The following PLXNB3 variants were observed in gnomAD, a reference collection of about 807,000 sequenced individuals.
PLXNB3 encodes plexin-B3.
Under a neutral mutation model 125.7 loss-of-function variants are expected in PLXNB3, and 80 were observed. The observed-to-expected ratio is 0.64, with a 90% CI of 0.53 to 0.77. The LOEUF (loss-of-function observed/expected upper bound fraction) is 0.77, where lower values mean the gene tolerates loss of function less well. Ranked by LOEUF, PLXNB3 falls within the 30% of genes least tolerant of loss-of-function variation. The probability of loss-of-function intolerance (pLI) is 0.00; values close to 1 mark genes in which losing one functional copy is unlikely to be tolerated. For missense variants in PLXNB3, 1,836 were observed against 1,729.3 expected, an observed-to-expected ratio of 1.06 and a Z score of -1.09; for synonymous variants, 954 against 783.3, an observed-to-expected ratio of 1.22 and a Z score of -3.64.
At chrX:153,775,866 C>G in intron 26 of PLXNB3, 21 bp from the exon 27 acceptor site, 1 of 1,192,639 alleles carries the variant, frequency 8.4e-7, no homozygotes, top group East Asian at 3.0e-5. Flanking sequence ...TGGCTGATGC[C>G]GGCTCATCTT....
chrX:153,771,064 C>T lies in PLXNB3; in HGVS notation c.2236C>T (p.His746Tyr). 8 of 1,205,825 alleles carry T rather than the reference C, an allele frequency of 6.6e-6. No individual in the cohort carries two copies. The highest frequency in any genetic ancestry group is 9.0e-6 in the Non-Finnish European group (8 of 891,794). ...EETAGDSGLI[H>Y]CQAHQFYPSM... ...GACAGCAGGGGATTCAGGCCTCATC[C>T]ACTGCCAGGCCCACCAGGTGAGTGG... The change falls in exon 12 of 36, where the codon CAC becomes TAC. Residue 746 changes from histidine to tyrosine, a missense_variant. By Grantham distance (83) the His-to-Tyr change is moderately conservative. Transcript: ENST00000361971.
In PLXNB3 at chrX:153,770,204, T is replaced by C; in HGVS notation, c.1742T>C (p.Val581Ala). The C allele has an allele frequency of 8.3e-7, 1 of 1,211,259 alleles. No homozygotes were observed. The highest frequency in any genetic ancestry group is 1.8e-5 in the South Asian group (1 of 57,047). Residue 581 changes from valine to alanine, a missense_variant, in exon 8 of 36, where the codon GTC (valine) becomes GCC (alanine). Transcript: ENST00000361971. ...GTGGAAGGGCCCCACGTGGCCTGTG[T>C]CACCCCTCCCCAAGACCAGGTGCCA... is the stretch of plus-strand genomic sequence containing the variant. ...AHVEGPHVAC[V>A]TPPQDQVPLN...
At chrX:153,772,568 A>G in intron 16 of PLXNB3, 1 of 583,874 alleles carries the variant, frequency 1.7e-6, no homozygotes, top group Non-Finnish European at 2.4e-6. Context: ...CTGCCCAAAG[A>G]GGCAACTGGA....
At position 153,768,513 on chromosome X, in the gene PLXNB3, C is replaced by T; in HGVS notation, c.1266+85C>T. ...GCCCCCAGCAACTTCCACCTCTTAG[C>T]CCGCATCCCACGGTTGGGTCAGGGG... On this transcript the variant is annotated intron_variant, in intron 4 of 35. Coordinates refer to ENST00000361971, the MANE Select transcript of PLXNB3 (RefSeq NM_005393.3). 6 of 900,797 alleles carry T rather than the reference C, an allele frequency of 6.7e-6. No homozygotes were observed. The South Asian group carries it at 1.2e-4, about 19-fold the overall frequency. The allele number at this position is 900,797 out of a possible 1,213,427, so 74.2% of individuals were successfully genotyped here.
chrX:153,772,601 T>A (rs2091943908), intron 16 of PLXNB3: 3 of 746,043 alleles, frequency 4.0e-6, no homozygotes, highest in Non-Finnish European at 5.4e-6. Context: ...GAGCTCCAGG[T>A]CTGGGGGCTG....
rs781895505 is a variant in PLXNB3 at position 153,775,035 on chromosome X, T to C, written c.4087T>C (p.Cys1363Arg). ...KPEGPGEDGH[C>R]ATVRQGLTQL... is the part of the protein sequence containing the mutation. Reference sequence around the variant, plus strand: ...TGAGGGGCCAGGGGAGGACGGCCACTGTGCCACTGTGCGCCAGGGCCTCAC... The same window carrying C: ...TGAGGGGCCAGGGGAGGACGGCCACCGTGCCACTGTGCGCCAGGGCCTCAC... Residue 1363 changes from cysteine (C) to arginine (R), a missense_variant, in exon 24 of 36, where the codon TGT (cysteine) becomes CGT (arginine). Physicochemically the swap from Cys to Arg is radical, Grantham distance 180. Coordinates refer to ENST00000361971, the MANE Select transcript of PLXNB3 (RefSeq NM_005393.3). 1 of 1,208,352 alleles carries C rather than the reference T, an allele frequency of 8.3e-7. No individual in the cohort carries two copies. The highest frequency in any genetic ancestry group is 2.2e-5 in the Admixed American group (1 of 45,856).
At chrX:153,766,276 C>T (rs2091856422) in intron 2 of PLXNB3, 1 of 1,166,091 alleles carries the variant, frequency 8.6e-7, no homozygotes, top group Non-Finnish European at 1.1e-6. Flanking sequence ...CTGGCTCTTT[C>T]CCCCAGCTGC....
rs1177987495 is a variant in PLXNB3 at position 153,779,035 on chromosome X, T to C, written c.5726T>C (p.Leu1909Pro). ...CTGGTGGAAAACAAAGTGACTGACC[T>C]GTGAGCTCTGGCTCAGACAGCAGCA... is the stretch of plus-strand genomic sequence containing the variant. ...AALVENKVTD[L>P] The change falls in exon 36 of 36, where the codon CTG (leucine) becomes CCG (proline). Residue 1909 changes from leucine (L) to proline (P), a missense_variant. Physicochemically the swap from Leu to Pro is moderately conservative, Grantham distance 98 (BLOSUM62 -3). Coordinates refer to ENST00000361971, the MANE Select transcript of PLXNB3 (RefSeq NM_005393.3). 1.7e-6 allele frequency: 2 copies of C among 1,167,774 alleles called. No individual in the cohort carries two copies. Among genetic ancestry groups the C allele is most frequent in the East Asian group, 3.0e-5 (1 of 33,041 alleles).
intron 2 of PLXNB3, chrX:153,766,032 C>T (rs1191239920): frequency 9.5e-7 from 1 of 1,051,620 alleles, no homozygotes; most frequent in South Asian, 2.9e-5. Context: ...TCCTGGGACA[C>T]TCCTACACTG....
At chrX:153,766,525 GT>G in intron 2 of PLXNB3, 5 of 1,032,584 alleles carry the variant, frequency 4.8e-6, no homozygotes, top group Non-Finnish European at 6.1e-6. Context: ...CAGTCCCTCT[GT>G]TAGCGCTCTT....
intron 4 of PLXNB3, 96 bp from the exon 5 acceptor site, chrX:153,768,852 G>A (rs2091890001): frequency 2.0e-6 from 2 of 1,006,219 alleles, no homozygotes; most frequent in South Asian, 4.5e-5. Flanking sequence ...AGGGGAACTG[G>A]CTCTAAAAAG....
rs782715367 is a variant in PLXNB3 at position 153,770,830 on chromosome X, G to A, written c.2083G>A (p.Val695Met). 2 of 1,209,482 alleles carry A rather than the reference G, an allele frequency of 1.7e-6. No individual in the cohort carries two copies. The highest frequency in any genetic ancestry group is 2.2e-6 in the Non-Finnish European group (2 of 893,933). ...CCTGGCAGGTCCCCACCTGGTGCCTGTGGGCTGGGAGAGCCATTTGGCCCT... is the reference window on the plus strand; with the variant it reads ...CCTGGCAGGTCCCCACCTGGTGCCTATGGGCTGGGAGAGCCATTTGGCCCT... ...EGLAGPHLVP[V>M]GWESHLALRV... Residue 695 changes from valine to methionine, a missense_variant, in exon 11 of 36, where the codon GTG becomes ATG. Transcript: ENST00000361971.
rs782768187 is a variant in PLXNB3 at position 153,777,933 on chromosome X, G to A, written c.5262-15G>A. On this transcript the variant is annotated splice_polypyrimidine_tract_variant and intron_variant, in intron 31 of 35. Transcript: ENST00000361971. ...AGGCCAGGGCCTCACGCCCACGCCT[G>A]CCCTGCGCCCCCAGTCTGCTGCTGC... is the stretch of plus-strand genomic sequence containing the variant. 8.3e-7 allele frequency: 1 copy of A among 1,200,704 alleles called. No individual in the cohort carries two copies. Among genetic ancestry groups the A allele is most frequent in the Non-Finnish European group, 1.1e-6 (1 of 889,203 alleles).
rs1557063552 is a variant in PLXNB3, at chrX:153,775,023, G to A, written c.4075G>A (p.Glu1359Lys). ...GCAGCCCAAGCCTGAGGGGCCAGGG[G>A]AGGACGGCCACTGTGCCACTGTGCG... The part of the protein sequence containing the change: ...PLQPKPEGPG[E>K]DGHCATVRQG... The change falls in exon 24 of 36, where the codon GAG becomes AAG. Residue 1359 changes from glutamate to lysine, a missense_variant. Glu to Lys is a moderately conservative substitution (Grantham distance 56). Coordinates refer to ENST00000361971, the MANE Select transcript of PLXNB3 (RefSeq NM_005393.3). The A allele has an allele frequency of 1.7e-6, 2 of 1,209,040 alleles. No individual in the cohort carries two copies.
intron 16 of PLXNB3, chrX:153,772,653 T>A: frequency 1.0e-6 from 1 of 953,602 alleles, no homozygotes; most frequent in Non-Finnish European, 1.3e-6. Flanking sequence ...GGGGACAGAG[T>A]GGCAGTGAGG....
rs370925905 is a variant in PLXNB3, at chrX:153,770,660, T to C, written c.2010+18T>C. 1.2e-5 allele frequency: 14 copies of C among 1,207,842 alleles called. No individual in the cohort carries two copies. The African/African-American group carries it at 2.4e-4, about 21-fold the overall frequency. On this transcript the variant is annotated intron_variant, in intron 10 of 35. Coordinates refer to ENST00000361971, the MANE Select transcript of PLXNB3 (RefSeq NM_005393.3). ...CCCAGGAGGTGGGTGGGCCCGAACTTCGGGCAGAGACAGGGCTGTCCCTTC... is the reference window on the plus strand; with the variant it reads ...CCCAGGAGGTGGGTGGGCCCGAACTCCGGGCAGAGACAGGGCTGTCCCTTC...
At position 153,767,504 on chromosome X, in the gene PLXNB3, A is replaced by G; in HGVS notation, c.677A>G (p.Asp226Gly). Reference protein sequence around the residue: ...SEGLGRLVVGDFSDYNNSYVG... With the variant: ...SEGLGRLVVGGFSDYNNSYVG... ...GGCCTGGGCCGCCTGGTGGTGGGCG[A>G]CTTCTCCGACTACAACAACAGCTAC... is the stretch of plus-strand genomic sequence containing the variant. Residue 226 changes from aspartate to glycine, a missense_variant, in exon 3 of 36, where the codon GAC (aspartate) becomes GGC (glycine). By Grantham distance (94) the Asp-to-Gly change is moderately conservative (BLOSUM62 -1). Transcript: ENST00000361971. The G allele has an allele frequency of 1.7e-6, 2 of 1,181,700 alleles. No homozygotes were observed. The highest frequency in any genetic ancestry group is 2.3e-6 in the Non-Finnish European group (2 of 880,320).
In PLXNB3 at chrX:153,771,994, C is replaced by G; in HGVS notation, c.2648C>G (p.Ser883Cys). 8.3e-7 allele frequency: 1 copy of G among 1,199,775 alleles called. No individual in the cohort carries two copies. The highest frequency in any genetic ancestry group is 1.1e-6 in the Non-Finnish European group (1 of 888,909). The part of the protein sequence containing the change: ...VASRPCNPEP[S>C]LYRTSARIVC... ...AGCCGGCCCTGCAACCCTGAGCCCT[C>G]TCTCTACCGCACGTCGGCCCGGTGA... is the stretch of plus-strand genomic sequence containing the variant. Residue 883 changes from serine to cysteine, a missense_variant, in exon 15 of 36, where the codon TCT (serine) becomes TGT (cysteine). Transcript: ENST00000361971.
chrX:153,771,737 C>A lies in PLXNB3; in HGVS notation c.2517+82C>A, dbSNP rs999386263. ...GTCCTGTCCTCCGTGATCAGACCAG[C>A]CCTGCCCCAGGCCCCCAAACCCCAG... On this transcript the variant is annotated intron_variant, in intron 14 of 35. Coordinates refer to ENST00000361971, the MANE Select transcript of PLXNB3 (RefSeq NM_005393.3). 8.0e-6 allele frequency: 9 copies of A among 1,124,686 alleles called. No homozygotes were observed. In the African/African-American group the frequency reaches 1.4e-4, roughly 18 times the overall value. The allele number at this position is 1,124,686 out of a possible 1,213,427, so 92.7% of individuals were successfully genotyped here.
Sources: gnomAD v4.1 joint callset for allele counts on GRCh38, gnomAD v4.1.1 for gene constraint, MANE v1.5 for transcripts, NCBI Gene and HGNC (gene_info 2026-07-23, HGNC 2026-07-21) for gene names.